SPAG16: variants seen among roughly 807,000 people sequenced by gnomAD.
SPAG16 encodes sperm associated antigen 16.
Under a neutral mutation model 80.4 loss-of-function variants are expected in SPAG16, and 86 were observed. The observed-to-expected ratio is 1.07, with a 90% CI of 0.90 to 1.28. The LOEUF (loss-of-function observed/expected upper bound fraction) is 1.28, where lower values mean the gene tolerates loss of function less well. Among genes scored for constraint, SPAG16 ranks in the 50% most tolerant of loss-of-function variants. The pLI is 0.00. For synonymous variants in SPAG16, 294 were observed against 265.9 expected, an observed-to-expected ratio of 1.11 and a Z score of -1.03; for missense variants, 870 against 765.3, an observed-to-expected ratio of 1.14 and a Z score of -1.61.
At chr2:213,898,492 G>A (rs527389227) in intron 11 of SPAG16, among the ~76,000 whole-genome samples, 5 of 152,192 alleles carry the variant, frequency 3.3e-5, no homozygotes, top group South Asian at 2.1e-4. Context: ...TATTAGAAAC[G>A]TGATGGAGAA....
intron 15 of SPAG16, among the ~76,000 whole-genome samples, chr2:214,179,995 T>G (rs2057260357): frequency 6.6e-6 from 1 of 151,572 alleles, no homozygotes; most frequent in Non-Finnish European, 1.5e-5. Context: ...GTCAATTTTA[T>G]ATAAAACCTC....
At chr2:213,770,144 G>C (rs1451586848) in intron 10 of SPAG16, among the ~76,000 whole-genome samples, 1 of 152,070 alleles carries the variant, frequency 6.6e-6, no homozygotes, top group African/African-American at 2.4e-5. Flanking sequence ...ATTTATATAT[G>C]TGTATTAATA....
At chr2:214,318,141 A>T (rs537248531) in intron 15 of SPAG16, among the ~76,000 whole-genome samples, 11 of 152,290 alleles carry the variant, frequency 7.2e-5, no homozygotes, top group African/African-American at 2.6e-4. Context: ...TCTGGTGGCC[A>T]AATCTGGAAG....
chr2:213,991,080 G>A lies in SPAG16; in HGVS notation c.1401-22871G>A, dbSNP rs145849748. ...GCAGGTTTGCTACGTAGGTATACAC[G>A]TGCCATGGTGGTTTGCTCACCCATC... is the stretch of plus-strand genomic sequence containing the variant. On this transcript the variant is annotated intron_variant, in intron 12 of 15. Coordinates refer to ENST00000331683, the MANE Select transcript of SPAG16 (RefSeq NM_024532.5). Among the ~76,000 whole-genome samples, 323 of 151,894 alleles carry A rather than the reference G, an allele frequency of 2.1e-3. 5 individuals are homozygous for A. Among genetic ancestry groups the A allele is most frequent in the South Asian group, 0.011 (54 of 4,806 alleles).
intron 12 of SPAG16, among the ~76,000 whole-genome samples, chr2:213,958,261 G>A (rs1462130163): frequency 6.6e-6 from 1 of 152,170 alleles, no homozygotes; most frequent in Non-Finnish European, 1.5e-5. Context: ...AGAGGTGGTT[G>A]CCTTGGCATG....
At chr2:213,470,986 A>G (rs2073046244) in intron 9 of SPAG16, among the ~76,000 whole-genome samples, 2 of 152,220 alleles carry the variant, frequency 1.3e-5, no homozygotes, top group Admixed American at 6.5e-5. Context: ...TCAGCATATA[A>G]TCACACATCT....
intron 9 of SPAG16, among the ~76,000 whole-genome samples, chr2:213,402,086 AC>A (rs2068340268): frequency 6.6e-6 from 1 of 152,094 alleles, no homozygotes; most frequent in African/African-American, 2.4e-5. Context: ...CTACAAATTT[AC>A]TAATTTTATT....
At chr2:213,343,396 G>T (rs2064799533) in intron 6 of SPAG16, among the ~76,000 whole-genome samples, 1 of 152,078 alleles carries the variant, frequency 6.6e-6, no homozygotes, top group Non-Finnish European at 1.5e-5. Flanking sequence ...CTGTCTGTCA[G>T]AAAATAACTC....
chr2:213,463,432 C>T (rs558880340), intron 9 of SPAG16, among the ~76,000 whole-genome samples: 167 of 152,312 alleles, frequency 1.1e-3, no homozygotes, highest in Non-Finnish European at 2.1e-3. Context: ...CCATTACAGG[C>T]CAGGAGCTCT....
intron 15 of SPAG16, among the ~76,000 whole-genome samples, chr2:214,183,980 A>C (rs895579170): frequency 1.3e-5 from 2 of 152,108 alleles, no homozygotes; most frequent in African/African-American, 4.8e-5. Flanking sequence ...ATTTAGGTCC[A>C]TGCTATTCTA....
At chr2:213,838,811 G>C (rs1460968383) in intron 10 of SPAG16, among the ~76,000 whole-genome samples, 2 of 152,098 alleles carry the variant, frequency 1.3e-5, no homozygotes, top group Non-Finnish European at 2.9e-5. Context: ...TGGGGGATTG[G>C]CTATTATCTC....
chr2:213,537,947 G>T (rs1463577103), intron 10 of SPAG16, among the ~76,000 whole-genome samples: 1 of 152,024 alleles, frequency 6.6e-6, no homozygotes, highest in Non-Finnish European at 1.5e-5. Flanking sequence ...TATCAGTGGG[G>T]TTTATTCACT....
At chr2:214,401,243 T>G (rs1357696742) in intron 15 of SPAG16, among the ~76,000 whole-genome samples, 1 of 151,932 alleles carries the variant, frequency 6.6e-6, no homozygotes, top group Non-Finnish European at 1.5e-5. Flanking sequence ...CAGATGCCTC[T>G]CCACATGCAT....
chr2:213,982,071 AAT>A (rs1265078892), intron 12 of SPAG16, among the ~76,000 whole-genome samples: 2 of 151,814 alleles, frequency 1.3e-5, no homozygotes, highest in African/African-American at 4.9e-5. Flanking sequence ...AACTGTAACA[AAT>A]ATGTCCTTAG....
intron 9 of SPAG16, among the ~76,000 whole-genome samples, chr2:213,376,927 T>C (rs72939045): frequency 0.2 from 29,866 of 152,150 alleles, 3,899 homozygotes; most frequent in Non-Finnish European, 0.3. Context: ...TTCTCTTTTA[T>C]AAACAGTCGC....
chr2:214,167,631 AT>A (rs1385268698), intron 15 of SPAG16, among the ~76,000 whole-genome samples: 1 of 152,030 alleles, frequency 6.6e-6, no homozygotes, highest in Non-Finnish European at 1.5e-5. Context: ...TTAAATGTGT[AT>A]TTTTGTTATT....
At chr2:213,311,663 T>C (rs1274966665) in intron 4 of SPAG16, among the ~76,000 whole-genome samples, 1 of 151,690 alleles carries the variant, frequency 6.6e-6, no homozygotes, top group Non-Finnish European at 1.5e-5. Flanking sequence ...TTTATCCTTA[T>C]CCCTAGCTGC....
intron 1 of SPAG16, among the ~76,000 whole-genome samples, chr2:213,291,135 A>G (rs1233955853): frequency 6.6e-6 from 1 of 152,202 alleles, no homozygotes; most frequent in Admixed American, 6.5e-5. Context: ...ATTTTTGACC[A>G]ATCTTATGAG....
intron 11 of SPAG16, among the ~76,000 whole-genome samples, chr2:213,875,622 A>C (rs756934471): frequency 1.3e-5 from 2 of 152,146 alleles, no homozygotes; most frequent in Non-Finnish European, 2.9e-5. Context: ...CTTACATTTA[A>C]AACAAAAGGG....
Sources: gnomAD v4.1 joint callset for allele counts (sites outside exome capture counted in the v4.1 genomes callset) on GRCh38, gnomAD v4.1.1 for gene constraint, MANE v1.5 for transcripts, NCBI Gene and HGNC (gene_info 2026-07-23, HGNC 2026-07-21) for gene names.